Variants in MYO9B observed in about 807,000 individuals in gnomAD.
MYO9B encodes myosin IXB.
A neutral mutation model predicts 229.5 loss-of-function variants in MYO9B; 71 were observed. The ratio of observed to expected loss-of-function variants is 0.31; its 90% CI spans 0.26 to 0.38. The LOEUF is 0.38. Among genes scored for constraint, MYO9B ranks in the 10% least tolerant of loss-of-function variants. The pLI, the probability that MYO9B is intolerant of heterozygous loss-of-function variation, is 1.00. For synonymous variants in MYO9B, 1,185 were observed against 1,235.8 expected, an observed-to-expected ratio of 0.96 and a Z score of 0.86; for missense variants, 2,255 against 2,920.5, an observed-to-expected ratio of 0.77 and a Z score of 5.25.
At chr19:17,202,713 G>A in intron 28 of MYO9B, 129 bp from the exon 29 acceptor site, 1 of 936,608 alleles carries the variant, frequency 1.1e-6, no homozygotes. Context: ...GGGGCGTTAG[G>A]GACAATGATG....
In MYO9B at chr19:17,212,266, C is replaced by T. The variant is rs1281882272; in HGVS notation, c.6430C>T (p.Pro2144Ser). The stretch of plus-strand genomic sequence containing the variant: ...GGCCAAGCGGAGGTACTCGGATCCC[C>T]CAACGTACTGCCTGCCCCCCGCCTC... Reference protein sequence around the residue: ...PGAKRRYSDPPTYCLPPASGQ... With the variant: ...PGAKRRYSDPSTYCLPPASGQ... Residue 2144 changes from proline to serine, a missense_variant, in exon 40 of 40, where the codon CCA (proline) becomes TCA (serine). Physicochemically the swap from Pro to Ser is moderately conservative, Grantham distance 74 (BLOSUM62 -1). Around this residue, in one of 7 missense-constraint regions of MYO9B, gnomAD observed 331 missense variants for 332.5 expected, o/e 1.00. Transcript: ENST00000682292. This position sits in a 1 kb window ranked among gnomAD's most constrained non-coding sequence, Gnocchi z 5.4. 2 of 1,564,018 alleles carry T rather than the reference C, an allele frequency of 1.3e-6. No homozygotes were observed. The highest frequency in any genetic ancestry group is 2.0e-5 in the Admixed American group (1 of 50,862).
rs918503461 is a variant in MYO9B at position 17,200,931 on chromosome 19, G to A, written c.4563+102G>A. The A allele has an allele frequency of 2.2e-5, 29 of 1,336,860 alleles. No homozygotes were observed. In the African/African-American group the frequency reaches 3.8e-4, roughly 17 times the overall value. 82.8% of individuals were successfully genotyped at this position (1,336,860 alleles called of 1,614,324 possible). A position where few individuals can be genotyped will look rare whatever the true frequency, so the allele number is the denominator to read the frequency against. ...GAAACACACAACACAGGGTTTAGCA[G>A]GTCAAGAATACAAAGTCCAGGCTCA... On this transcript the variant is annotated intron_variant, in intron 26 of 39. Coordinates refer to ENST00000682292, the MANE Select transcript of MYO9B (RefSeq NM_004145.4).
At position 17,195,525 on chromosome 19, in the gene MYO9B, C is replaced by G; in HGVS notation, c.4046+52C>G. 6.5e-7 allele frequency: 1 copy of G among 1,539,388 alleles called. No individual in the cohort carries two copies. The highest frequency in any genetic ancestry group is 1.2e-5 in the South Asian group (1 of 84,454). ...AGCACCAGGGTCCAGGCCAGGTGGGCAAGGCCAGGGGCAGTGCCACACATC... is the reference window on the plus strand; with the variant it reads ...AGCACCAGGGTCCAGGCCAGGTGGGGAAGGCCAGGGGCAGTGCCACACATC... On this transcript the variant is annotated intron_variant, in intron 22 of 39. Coordinates refer to ENST00000682292, the MANE Select transcript of MYO9B (RefSeq NM_004145.4). The surrounding 1 kb of genome is among the most constrained non-coding windows in gnomAD (Gnocchi z 4.5).
At chr19:17,133,298 ATCT>A (rs2072225882) in intron 2 of MYO9B, among the ~76,000 whole-genome samples, 1 of 152,156 alleles carries the variant, frequency 6.6e-6, no homozygotes, top group Admixed American at 6.6e-5. Flanking sequence ...AACACTTAAA[ATCT>A]TCTCTCTTAG....
intron 2 of MYO9B, among the ~76,000 whole-genome samples, chr19:17,135,496 G>A (rs963028316): frequency 2.6e-5 from 4 of 152,084 alleles, no homozygotes; most frequent in East Asian, 3.9e-4. Flanking sequence ...GAGACCGTGC[G>A]AGCCCCCGGC....
At chr19:17,175,015 A>G (rs1176407045) in intron 13 of MYO9B, among the ~76,000 whole-genome samples, 1 of 151,908 alleles carries the variant, frequency 6.6e-6, no homozygotes. Flanking sequence ...AATGGTGCAC[A>G]CCGGTAGTCC....
Position 17,198,252 on chromosome 19 carries a change from C to T in MYO9B, c.4182C>T (p.Gly1394=), listed in dbSNP as rs754059377. ...CAGCTGTCCAGAAGAAGAAGCCAGG[C>T]GACGCATCCTCCCTCCCAGACGCAG... is the stretch of plus-strand genomic sequence containing the variant. ...KKPAVQKKKP[G]DASSLPDAGL... Residue 1394 remains glycine (G), a synonymous_variant, in exon 24 of 40, where the codon GGC becomes GGT. Coordinates refer to ENST00000682292, the MANE Select transcript of MYO9B (RefSeq NM_004145.4). 64 of 1,613,764 alleles carry T rather than the reference C, an allele frequency of 4.0e-5. No homozygotes were observed. Among genetic ancestry groups the T allele is most frequent in the Non-Finnish European group, 5.1e-5 (60 of 1,179,882 alleles).
chr19:17,175,802 A>C, intron 14 of MYO9B, 61 bp downstream of exon 14: 1 of 1,283,980 alleles, frequency 7.8e-7, no homozygotes. Flanking sequence ...ATTGTTTCAA[A>C]CAACTTAGGG....
chr19:17,187,584 A>T (rs57597153), intron 18 of MYO9B, among the ~76,000 whole-genome samples: 194 of 148,552 alleles, frequency 1.3e-3, no homozygotes, highest in Admixed American at 3.0e-3. Flanking sequence ...TTTTTTTTAA[A>T]AAATAAATTT....
intron 2 of MYO9B, among the ~76,000 whole-genome samples, chr19:17,133,962 C>T (rs1359906320): frequency 1.3e-5 from 2 of 151,778 alleles, no homozygotes; most frequent in South Asian, 2.1e-4. Context: ...GGGGTTTCAC[C>T]GTGTTAGCCA....
At chr19:17,165,031 G>GT (rs986596845) in intron 10 of MYO9B, among the ~76,000 whole-genome samples, 11 of 152,086 alleles carry the variant, frequency 7.2e-5, no homozygotes, top group African/African-American at 1.7e-4. Flanking sequence ...CACCCAGCTA[G>GT]TTTTTTGGTT....
chr19:17,119,947 C>T (rs2057946051), intron 2 of MYO9B, among the ~76,000 whole-genome samples: 1 of 152,132 alleles, frequency 6.6e-6, no homozygotes, highest in African/African-American at 2.4e-5. Context: ...TGCGCCCGGC[C>T]AAGCTCGGGA....
At position 17,195,400 on chromosome 19, in the gene MYO9B, A is replaced by C. The variant is rs772396076; in HGVS notation, c.3973A>C (p.Ser1325Arg). 1 of 1,609,716 alleles carries C rather than the reference A, an allele frequency of 6.2e-7. No individual in the cohort carries two copies. The highest frequency in any genetic ancestry group is 2.2e-5 in the East Asian group (1 of 44,834). Reference sequence around the variant, plus strand: ...GAAGCTGGTGGCCGCCGCCAGCCCTAGTGCCATGCTCAGCCAGTCCCTGGA... The same window carrying C: ...GAAGCTGGTGGCCGCCGCCAGCCCTCGTGCCATGCTCAGCCAGTCCCTGGA... Reference protein sequence around the residue: ...GKKLVAAASPSAMLSQSLDLS... With the variant: ...GKKLVAAASPRAMLSQSLDLS... The change falls in exon 22 of 40, where the codon AGT (serine) becomes CGT (arginine). Residue 1325 changes from serine (S) to arginine (R), a missense_variant. Physicochemically the swap from Ser to Arg is moderately radical, Grantham distance 110 (BLOSUM62 -1). This residue lies in a region of MYO9B where 679 missense variants were observed against 770.2 expected (regional missense o/e 0.88). Transcript: ENST00000682292. The surrounding 1 kb of genome is among the most constrained non-coding windows in gnomAD (Gnocchi z 4.5).
At chr19:17,113,426 C>T (rs2057867929) in intron 2 of MYO9B, among the ~76,000 whole-genome samples, 1 of 152,186 alleles carries the variant, frequency 6.6e-6, no homozygotes, top group Non-Finnish European at 1.5e-5. Flanking sequence ...AATTAGGGCT[C>T]TCAGGAGTTT....
chr19:17,128,361 A>G (rs1413266760), intron 2 of MYO9B, among the ~76,000 whole-genome samples: 1 of 152,152 alleles, frequency 6.6e-6, no homozygotes, highest in Non-Finnish European at 1.5e-5. Context: ...ACTGTACTCT[A>G]GCCTGGGTGA....
chr19:17,124,582 G>A (rs1392325501), intron 2 of MYO9B, among the ~76,000 whole-genome samples: 1 of 151,856 alleles, frequency 6.6e-6, no homozygotes, highest in East Asian at 1.9e-4. Flanking sequence ...GCTCAGCCTG[G>A]CCAACATGGC....
chr19:17,170,830 T>TA (rs2072716701), intron 11 of MYO9B, among the ~76,000 whole-genome samples: 1 of 28,398 alleles, frequency 3.5e-5, no homozygotes, highest in African/African-American at 1.9e-4. Context: ...GCTCTAAAAA[T>TA]TAAAAAAAAA....
At chr19:17,204,709 C>T (rs1014727177) in intron 30 of MYO9B, among the ~76,000 whole-genome samples, 3 of 151,968 alleles carry the variant, frequency 2.0e-5, no homozygotes, top group African/African-American at 4.8e-5. Flanking sequence ...TAGCCAGGCA[C>T]GGTGGTGCAC....
At chr19:17,158,607 A>G (rs1048992155) in intron 7 of MYO9B, among the ~76,000 whole-genome samples, 12 of 149,840 alleles carry the variant, frequency 8.0e-5, no homozygotes, top group Non-Finnish European at 1.5e-4. Context: ...AAAAAAAAAA[A>G]GGAGAAAGCT....
Sources: gnomAD v4.1 joint callset for allele counts (sites outside exome capture counted in the v4.1 genomes callset) on GRCh38, gnomAD v4.1.1 for gene constraint, gnomAD v4.1.1 regional missense constraint, Gnocchi (gnomAD v3.1) non-coding constraint, MANE v1.5 for transcripts, NCBI Gene and HGNC (gene_info 2026-07-23, HGNC 2026-07-21) for gene names.